The following ETV6 variants were observed in gnomAD, a reference collection of about 807,000 sequenced individuals.
The protein encoded by ETV6 is transcription factor ETV6.
Under a neutral mutation model 51.1 loss-of-function variants are expected in ETV6, and 16 were observed. The observed-to-expected ratio is 0.31, with a 90% CI of 0.21 to 0.48. ETV6 has a LOEUF of 0.48. ETV6 is among the 20% of genes least tolerant of loss of function. The pLI, the probability that ETV6 is intolerant of heterozygous loss-of-function variation, is 0.99. For synonymous variants in ETV6, 240 were observed against 224.1 expected (o/e 1.07, Z -0.64); for missense variants, 458 against 594.8 (o/e 0.77, Z 2.39).
rs576940210 is a variant in ETV6, at chr12:11,810,021, A to G, written c.164-29119A>G. On this transcript the variant is annotated intron_variant, in intron 2 of 7. Coordinates refer to ENST00000396373, the MANE Select transcript of ETV6 (RefSeq NM_001987.5). Reference sequence around the variant, plus strand: ...TTTTTAGGAGAGACAGGGTTTCACCATGTTAGCTAGGATGGTCTCAGTCTC... The same window carrying G: ...TTTTTAGGAGAGACAGGGTTTCACCGTGTTAGCTAGGATGGTCTCAGTCTC... Among the ~76,000 whole-genome samples, 7 of 151,990 alleles carry G rather than the reference A, an allele frequency of 4.6e-5. No individual in the cohort carries two copies. In the South Asian group the frequency reaches 1.5e-3, roughly 32 times the overall value.
At chr12:11,731,317 G>A (rs1170281080) in intron 1 of ETV6, among the ~76,000 whole-genome samples, 2 of 152,202 alleles carry the variant, frequency 1.3e-5, no homozygotes, top group Non-Finnish European at 2.9e-5. Flanking sequence ...AGGTGGAGGA[G>A]TAAGTCAGTG....
chr12:11,651,717 G>A (rs1010104299), intron 1 of ETV6, among the ~76,000 whole-genome samples: 1 of 152,110 alleles, frequency 6.6e-6, no homozygotes, highest in Non-Finnish European at 1.5e-5. Flanking sequence ...TTTATTTGAC[G>A]CTTCATAACA....
intron 4 of ETV6, among the ~76,000 whole-genome samples, chr12:11,867,280 AT>A (rs1171231539): frequency 6.6e-6 from 1 of 152,218 alleles, no homozygotes; most frequent in Non-Finnish European, 1.5e-5. Context: ...TAAATACTTC[AT>A]CTTGCTTTTC....
chr12:11,819,424 C>T (rs1946043620), intron 2 of ETV6, among the ~76,000 whole-genome samples: 1 of 152,338 alleles, frequency 6.6e-6, no homozygotes, highest in African/African-American at 2.4e-5. Context: ...TCACCTACTC[C>T]AGCGGCTTCA....
intron 5 of ETV6, among the ~76,000 whole-genome samples, chr12:11,872,753 C>T (rs766670577): frequency 1.5e-4 from 23 of 152,098 alleles, no homozygotes; most frequent in Non-Finnish European, 3.1e-4. Context: ...GCCTTGGCCT[C>T]CTAAATTGCT....
rs1866060837 is a variant in ETV6, at chr12:11,752,708, G to C, written c.163+129G>C. Reference sequence around the variant, plus strand: ...CACAGGACTTCGCCACGCTGCTTTGGAATCTTTCACACCCCCCTACCCCCA... The same window carrying C: ...CACAGGACTTCGCCACGCTGCTTTGCAATCTTTCACACCCCCCTACCCCCA... On this transcript the variant is annotated intron_variant, in intron 2 of 7. Transcript: ENST00000396373. The C allele has an allele frequency of 8.7e-6, 11 of 1,267,184 alleles. No homozygotes were observed. The South Asian group carries it at 1.7e-4, about 20-fold the overall frequency. The allele number at this position is 1,267,184 out of a possible 1,614,324, so 78.5% of individuals were successfully genotyped here.
chr12:11,732,939 T>C (rs1865628739), intron 1 of ETV6, among the ~76,000 whole-genome samples: 1 of 152,196 alleles, frequency 6.6e-6, no homozygotes, highest in South Asian at 2.1e-4. Flanking sequence ...GGGGTGAAAG[T>C]GTAGAAAGAT....
chr12:11,679,126 T>G (rs1334670549), intron 1 of ETV6, among the ~76,000 whole-genome samples: 1 of 152,220 alleles, frequency 6.6e-6, no homozygotes, highest in Non-Finnish European at 1.5e-5. Flanking sequence ...AGTGTTCTTG[T>G]CCTTAGTGTG....
chr12:11,744,595 A>G (rs1379733045), intron 1 of ETV6, among the ~76,000 whole-genome samples: 1 of 152,216 alleles, frequency 6.6e-6, no homozygotes, highest in Non-Finnish European at 1.5e-5. Context: ...TAGGACATGC[A>G]CTTTTATGGC....
chr12:11,707,379 C>T (rs1174562901), intron 1 of ETV6, among the ~76,000 whole-genome samples: 4 of 152,218 alleles, frequency 2.6e-5, no homozygotes, highest in East Asian at 1.9e-4. Flanking sequence ...CTGTGGGAAT[C>T]GCAGCGCTTC....
intron 1 of ETV6, among the ~76,000 whole-genome samples, chr12:11,653,769 G>A (rs893314792): frequency 6.6e-6 from 1 of 151,954 alleles, no homozygotes; most frequent in Non-Finnish European, 1.5e-5. Flanking sequence ...ACTCCTGGGG[G>A]GTCTGTCCTC....
At chr12:11,819,213 G>C (rs1946040319) in intron 2 of ETV6, among the ~76,000 whole-genome samples, 1 of 152,132 alleles carries the variant, frequency 6.6e-6, no homozygotes, top group South Asian at 2.1e-4. Flanking sequence ...CCGTGATCTG[G>C]TTTCTACGCC....
chr12:11,665,664 G>T (rs948783668), intron 1 of ETV6, among the ~76,000 whole-genome samples: 3 of 152,194 alleles, frequency 2.0e-5, no homozygotes, highest in African/African-American at 7.2e-5. Context: ...TGATATGTAA[G>T]ATAAAGACCT....
At chr12:11,870,044 C>A in intron 5 of ETV6, 75 bp downstream of exon 5, 1 of 1,507,470 alleles carries the variant, frequency 6.6e-7, no homozygotes, top group Non-Finnish European at 8.9e-7. Context: ...GTGATCTTTG[C>A]AGCCAGCCTC....
intron 1 of ETV6, among the ~76,000 whole-genome samples, chr12:11,709,887 A>G (rs74763959): frequency 0.077 from 11,721 of 152,160 alleles, 962 homozygotes; most frequent in African/African-American, 0.21. Flanking sequence ...CTCTATAAGC[A>G]CATAAGCCAG....
chr12:11,693,145 C>T (rs941261860), intron 1 of ETV6, among the ~76,000 whole-genome samples: 10 of 152,122 alleles, frequency 6.6e-5, no homozygotes, highest in African/African-American at 2.4e-4. Context: ...GGAGAGAAGA[C>T]TTACGGTGGT....
chr12:11,861,255 GGGCCCACGA>G, intron 4 of ETV6, among the ~76,000 whole-genome samples: 1 of 152,168 alleles, frequency 6.6e-6, no homozygotes, highest in African/African-American at 2.4e-5. Context: ...CCTGGGAGCA[GGGCCCACGA>G]GCACCACTTA....
intron 2 of ETV6, among the ~76,000 whole-genome samples, chr12:11,755,639 A>G (rs917323274): frequency 2.0e-5 from 3 of 152,208 alleles, no homozygotes; most frequent in African/African-American, 7.2e-5. Flanking sequence ...ATCCCAGCTG[A>G]GTTTCCAAAC....
At chr12:11,812,293 C>T (rs929324703) in intron 2 of ETV6, among the ~76,000 whole-genome samples, 1 of 152,140 alleles carries the variant, frequency 6.6e-6, no homozygotes, top group Non-Finnish European at 1.5e-5. Flanking sequence ...GCCTCTAATT[C>T]CTTGCAGTAT....
Sources: gnomAD v4.1 joint callset for allele counts (sites outside exome capture counted in the v4.1 genomes callset) on GRCh38, gnomAD v4.1.1 for gene constraint, MANE v1.5 for transcripts, NCBI Gene and HGNC (gene_info 2026-07-23, HGNC 2026-07-21) for gene names.